TXLNG: variants seen among roughly 807,000 people sequenced by gnomAD.
TXLNG encodes the protein gamma-taxilin.
Under a neutral mutation model 38.8 loss-of-function variants are expected in TXLNG, and 5 were observed. The observed-to-expected ratio is 0.13, with a 90% CI of 0.07 to 0.27. The LOEUF (loss-of-function observed/expected upper bound fraction) is 0.27. Among genes scored for constraint, TXLNG ranks in the 10% least tolerant of loss-of-function variants. The pLI, the probability that TXLNG is intolerant of heterozygous loss-of-function variation, is 1.00. For synonymous variants in TXLNG, 182 were observed against 158.2 expected (o/e 1.15, Z -1.13); for missense variants, 393 against 398.2 (o/e 0.99, Z 0.11).
intron 1 of TXLNG, among the ~76,000 whole-genome samples, chrX:16,798,073 G>A (rs1266008665): frequency 8.9e-6 from 1 of 112,196 alleles, no homozygotes. Flanking sequence ...GGATAATTGT[G>A]GAAATCCTTT....
chrX:16,797,699 C>G (rs1187819926), intron 1 of TXLNG, among the ~76,000 whole-genome samples: 1 of 112,282 alleles, frequency 8.9e-6, no homozygotes, highest in Admixed American at 9.5e-5. Context: ...TCTTTTGTAT[C>G]GTAATCATAG....
At chrX:16,839,761 G>C (rs981034745) in intron 8 of TXLNG, 60 bp from the exon 9 acceptor site, 1 of 871,243 alleles carries the variant, frequency 1.1e-6, no homozygotes, top group Non-Finnish European at 1.6e-6. Flanking sequence ...TTGTGTACTG[G>C]GACAGGGAGT....
intron 1 of TXLNG, among the ~76,000 whole-genome samples, chrX:16,790,231 A>G (rs1293564182): frequency 8.9e-6 from 1 of 111,984 alleles, no homozygotes; most frequent in Non-Finnish European, 1.9e-5. Flanking sequence ...TATTCTATGC[A>G]TTTTGACAAA....
At chrX:16,821,786 C>T (rs765987818) in intron 3 of TXLNG, among the ~76,000 whole-genome samples, 83 of 107,594 alleles carry the variant, frequency 7.7e-4, no homozygotes, top group African/African-American at 2.4e-3. Context: ...GTCAGGAGAT[C>T]GAGACCATCC....
intron 1 of TXLNG, among the ~76,000 whole-genome samples, chrX:16,795,462 C>CT (rs1481436650): frequency 8.9e-6 from 1 of 112,030 alleles, no homozygotes; most frequent in African/African-American, 3.2e-5. Flanking sequence ...ACTAAAGAAG[C>CT]TGTGTCCAAA....
chrX:16,790,402 A>G (rs757212415), intron 1 of TXLNG, among the ~76,000 whole-genome samples: 2 of 109,421 alleles, frequency 1.8e-5, no homozygotes, highest in African/African-American at 3.3e-5. Context: ...GGGTCCTGCT[A>G]TGTTGCCCAG....
Position 16,844,020 on chromosome X carries a change from C to T in TXLNG, c.*2254C>T, listed in dbSNP as rs971028476. The stretch of plus-strand genomic sequence containing the variant: ...GAACACTGTAATGCTACTAGGCTGG[C>T]CCAGAAAAGGTTTAAATGTTGAATT... On this transcript the variant is annotated 3_prime_UTR_variant, in exon 10 of 10. Coordinates refer to ENST00000380122, the MANE Select transcript of TXLNG (RefSeq NM_018360.3). 4 of 111,519 alleles carry T rather than the reference C, an allele frequency of 3.6e-5. No individual in the cohort carries two copies. The highest frequency in any genetic ancestry group is 1.3e-4 in the African/African-American group (4 of 30,618). The allele number at this position is 111,519 out of a possible 1,213,427, so 9.2% of individuals were successfully genotyped here.
At chrX:16,841,333 A>G (rs1929812297) in intron 9 of TXLNG, 95 bp from the exon 10 acceptor site, 1 of 729,078 alleles carries the variant, frequency 1.4e-6, no homozygotes, top group Non-Finnish European at 2.0e-6. Flanking sequence ...CATGTTCCAT[A>G]GGTGAGAAGT....
intron 1 of TXLNG, among the ~76,000 whole-genome samples, chrX:16,815,010 T>G (rs1300273345): frequency 8.9e-6 from 1 of 112,222 alleles, no homozygotes; most frequent in Non-Finnish European, 1.9e-5. Flanking sequence ...CAGGGTTTTC[T>G]TGGTGAAAAT....
chrX:16,786,934 G>C (rs1927510543), intron 1 of TXLNG, among the ~76,000 whole-genome samples: 1 of 112,176 alleles, frequency 8.9e-6, no homozygotes, highest in African/African-American at 3.2e-5. Flanking sequence ...GGCGCCAGGC[G>C]TTCCTTCTCC....
At chrX:16,798,940 C>T (rs990712040) in intron 1 of TXLNG, among the ~76,000 whole-genome samples, 15 of 108,751 alleles carry the variant, frequency 1.4e-4, no homozygotes, top group Non-Finnish European at 2.5e-4. Context: ...AGTGCAATGG[C>T]GCAATCTCAG....
chrX:16,808,711 C>T (rs1333182021), intron 1 of TXLNG, among the ~76,000 whole-genome samples: 1 of 111,594 alleles, frequency 9.0e-6, no homozygotes, highest in Non-Finnish European at 1.9e-5. Flanking sequence ...TATATAACCA[C>T]CTTATTCTTT....
intron 5 of TXLNG, among the ~76,000 whole-genome samples, chrX:16,830,983 GATGTGAGCCACTGTAC>G (rs1470583625): frequency 2.8e-5 from 3 of 108,557 alleles, no homozygotes; most frequent in African/African-American, 1.0e-4. Flanking sequence ...TGGGATTGTA[GATGTGAGCCACTGTAC>G]ATGGCTGATA....
chrX:16,829,515 C>T (rs781211282), intron 4 of TXLNG, 61 bp from the exon 5 acceptor site: 1 of 1,082,658 alleles, frequency 9.2e-7, no homozygotes, highest in African/African-American at 1.9e-5. Flanking sequence ...GCAGCAGCTT[C>T]TCTTGTGAGC....
chrX:16,841,409 A>C lies in TXLNG; in HGVS notation c.1249-19A>C. 1 of 1,173,761 alleles carries C rather than the reference A, an allele frequency of 8.5e-7. No individual in the cohort carries two copies. The highest frequency in any genetic ancestry group is 1.8e-5 in the African/African-American group (1 of 55,876). ...ATTGATATTTAACAGGGTTACAGAA[A>C]TCCTCTTTTTTCTTACAGAAAACAG... On this transcript the variant is annotated intron_variant, in intron 9 of 9. Transcript: ENST00000380122.
chrX:16,802,663 G>A (rs1396271597), intron 1 of TXLNG, among the ~76,000 whole-genome samples: 1 of 111,270 alleles, frequency 9.0e-6, no homozygotes, highest in Non-Finnish European at 1.9e-5. Context: ...CTGAGCTTGC[G>A]TTAGTAACGG....
chrX:16,842,716 C>CAA lies in TXLNG; in HGVS notation c.*952_*953dup, dbSNP rs1929901568. 1 of 112,287 alleles carries CAA rather than the reference C, an allele frequency of 8.9e-6. No homozygotes were observed. The highest frequency in any genetic ancestry group is 1.9e-5 in the Non-Finnish European group (1 of 53,283). The allele number at this position is 112,287 out of a possible 1,213,427, so 9.3% of individuals were successfully genotyped here. A position where few individuals can be genotyped will look rare whatever the true frequency, so the allele number is the denominator to read the frequency against. ...AAAGTTACTACAAAAATTCCACCAGCAAAGTACTCCAGGTTTTTCAAAAGG... is the reference window on the plus strand; with the variant it reads ...AAAGTTACTACAAAAATTCCACCAGCAAAAAGTACTCCAGGTTTTTCAAAAGG... On this transcript the variant is annotated 3_prime_UTR_variant, in exon 10 of 10. Coordinates refer to ENST00000380122, the MANE Select transcript of TXLNG (RefSeq NM_018360.3).
intron 1 of TXLNG, among the ~76,000 whole-genome samples, chrX:16,801,041 C>T (rs1235454181): frequency 8.9e-6 from 1 of 112,537 alleles, no homozygotes; most frequent in Admixed American, 9.4e-5. Context: ...GTGTGGCACG[C>T]CTGCTCCTGT....
rs1395771492 is a variant in TXLNG at position 16,786,472 on chromosome X, C to G, written c.-16C>G. 1.8e-6 allele frequency: 2 copies of G among 1,108,919 alleles called. No homozygotes were observed. The highest frequency in any genetic ancestry group is 4.2e-5 in the South Asian group (2 of 47,503). 91.4% of individuals were successfully genotyped at this position (1,108,919 alleles called of 1,213,427 possible). ...GCCCCTTGTCGGGCCGCTTGTTTGG[C>G]TGCTGCCGTCACCTCATGGCGACGC... On this transcript the variant is annotated 5_prime_UTR_variant, in exon 1 of 10. Transcript: ENST00000380122.
Sources: allele counts gnomAD v4.1 joint callset (sites outside exome capture counted in the v4.1 genomes callset), GRCh38; gene constraint gnomAD v4.1.1; transcripts MANE v1.5; gene names NCBI Gene and HGNC (gene_info 2026-07-23, HGNC 2026-07-21).